The following GDI2 variants were observed in gnomAD, a reference collection of about 807,000 sequenced individuals.
GDI2 encodes the protein GDP dissociation inhibitor 2, also known as rab GDP dissociation inhibitor beta.
In GDI2, 22 loss-of-function variants were observed where a neutral mutation model predicts 54.2. The observed-to-expected ratio is 0.41, with a 90% CI of 0.29 to 0.58. GDI2 has a LOEUF of 0.58. Ranked by LOEUF, GDI2 falls within the 20% of genes least tolerant of loss-of-function variation. The pLI is 0.35. For missense variants in GDI2, 422 were observed against 546.0 expected, an observed-to-expected ratio of 0.77 and a Z score of 2.26; for synonymous variants, 177 against 182.1, an observed-to-expected ratio of 0.97 and a Z score of 0.23.
In GDI2 at chr10:5,765,261, T is replaced by A. The variant is rs1371780768; in HGVS notation, c.*745A>T. Reference sequence around the variant, plus strand: ...TTGGCTTTATTTTGCAGTACAGAAATCATTTGGAGCCATTTTGAGACAGAA... The same window carrying A: ...TTGGCTTTATTTTGCAGTACAGAAAACATTTGGAGCCATTTTGAGACAGAA... On this transcript the variant is annotated 3_prime_UTR_variant, in exon 11 of 11. Coordinates refer to ENST00000380191, the MANE Select transcript of GDI2 (RefSeq NM_001494.4). 6.6e-6 allele frequency: 1 copy of A among 152,668 alleles called. No homozygotes were observed. The highest frequency in any genetic ancestry group is 2.4e-5 in the African/African-American group (1 of 41,452). 9.5% of individuals were successfully genotyped at this position (152,668 alleles called of 1,614,324 possible).
chr10:5,771,454 A>G (rs1227638307), intron 7 of GDI2, among the ~76,000 whole-genome samples: 1 of 152,236 alleles, frequency 6.6e-6, no homozygotes, highest in Non-Finnish European at 1.5e-5. Context: ...AGCTATCATT[A>G]CTGTTAGCAT....
chr10:5,765,769 A>AG lies in GDI2; in HGVS notation c.*236_*237insC. ...CCCAATGTTTGTTTAACTTCACTAGAAAAAAAAAAAGCCAGTTTGGTTAAA... is the reference window on the plus strand; with the variant it reads ...CCCAATGTTTGTTTAACTTCACTAGAGAAAAAAAAAAGCCAGTTTGGTTAAA... On this transcript the variant is annotated 3_prime_UTR_variant, in exon 11 of 11. Transcript: ENST00000380191. 1 of 244,972 alleles carries AG rather than the reference A, an allele frequency of 4.1e-6. No individual in the cohort carries two copies. 15.2% of individuals were successfully genotyped at this position (244,972 alleles called of 1,614,324 possible).
intron 6 of GDI2, 48 bp downstream of exon 6, chr10:5,785,094 T>G (rs773322020): frequency 7.2e-7 from 1 of 1,386,442 alleles, no homozygotes; most frequent in Non-Finnish European, 9.9e-7. Context: ...ACACATTATG[T>G]TGAAGATGAG....
intron 4 of GDI2, among the ~76,000 whole-genome samples, chr10:5,787,326 G>T (rs186904333): frequency 1.6e-4 from 25 of 152,300 alleles, no homozygotes; most frequent in Admixed American, 1.2e-3. Context: ...CCAACATGGT[G>T]AAACCCCATC....
Position 5,776,490 on chromosome 10 carries a change from A to G in GDI2, c.720-2549T>C. The G allele has an allele frequency of 1.7e-6, 2 of 1,147,608 alleles. No homozygotes were observed. Among genetic ancestry groups the G allele is most frequent in the South Asian group, 1.2e-5 (1 of 80,902 alleles). 71.1% of individuals were successfully genotyped at this position (1,147,608 alleles called of 1,614,324 possible). A position where few individuals can be genotyped will look rare whatever the true frequency, so the allele number is the denominator to read the frequency against. ...GAGTGAGCCAGCAGAGCCATGTATTAGAAGCAAAGGCCCGAAAGATAAAAC... is the reference window on the plus strand; with the variant it reads ...GAGTGAGCCAGCAGAGCCATGTATTGGAAGCAAAGGCCCGAAAGATAAAAC... On this transcript the variant is annotated intron_variant, in intron 6 of 10. Transcript: ENST00000380191. This position sits in a 1 kb window ranked among gnomAD's most constrained non-coding sequence, Gnocchi z 5.3.
At chr10:5,807,260 A>T (rs1841396861) in intron 1 of GDI2, among the ~76,000 whole-genome samples, 1 of 152,232 alleles carries the variant, frequency 6.6e-6, no homozygotes, top group Admixed American at 6.5e-5. Flanking sequence ...TAAAATTTTA[A>T]TATTTTTCCA....
chr10:5,767,578 G>A (rs1457235445), intron 8 of GDI2, among the ~76,000 whole-genome samples: 1 of 151,950 alleles, frequency 6.6e-6, no homozygotes, highest in Non-Finnish European at 1.5e-5. Flanking sequence ...TCCTGCCTTG[G>A]CCTCCCATGA....
At position 5,782,802 on chromosome 10, in the gene GDI2, G is replaced by A. The variant is rs1341380909; in HGVS notation, c.719+2340C>T. Among the ~76,000 whole-genome samples the A allele has an allele frequency of 3.3e-5, 5 of 152,214 alleles. No homozygotes were observed. In the East Asian group the frequency reaches 5.8e-4, roughly 18 times the overall value. On this transcript the variant is annotated intron_variant, in intron 6 of 10. Coordinates refer to ENST00000380191, the MANE Select transcript of GDI2 (RefSeq NM_001494.4). ...TAAAAAATTAGCCGGATGTGGTGGT[G>A]CATGCCTGTAATCCCAGCTCCTTGG...
At chr10:5,782,961 T>A (rs934958348) in intron 6 of GDI2, among the ~76,000 whole-genome samples, 3 of 152,132 alleles carry the variant, frequency 2.0e-5, no homozygotes, top group Admixed American at 6.6e-5. Flanking sequence ...GACACATGCA[T>A]CAATATGGAT....
intron 7 of GDI2, among the ~76,000 whole-genome samples, chr10:5,770,110 G>A (rs1840451615): frequency 6.6e-6 from 1 of 152,192 alleles, no homozygotes; most frequent in South Asian, 2.1e-4. Context: ...CATGCTAAGT[G>A]AAATAAACTA....
chr10:5,809,186 G>A (rs1967487), intron 1 of GDI2, among the ~76,000 whole-genome samples: 79,815 of 149,400 alleles, frequency 0.53, 21,633 homozygotes, highest in Middle Eastern at 0.67. Context: ...CAGAGGTTGC[G>A]GTGAGCCGAG....
chr10:5,812,204 TAA>T (rs202220456), intron 1 of GDI2, among the ~76,000 whole-genome samples: 78 of 140,076 alleles, frequency 5.6e-4, no homozygotes, highest in East Asian at 8.1e-4. Context: ...GATGAACATT[TAA>T]AAAAAAAAAA....
chr10:5,797,344 A>G (rs1022596031), intron 2 of GDI2, among the ~76,000 whole-genome samples: 1 of 152,116 alleles, frequency 6.6e-6, no homozygotes, highest in Admixed American at 6.5e-5. Flanking sequence ...CAGGAGTACA[A>G]GAAAAGCCAG....
At chr10:5,786,320 G>A (rs749207127) in intron 4 of GDI2, among the ~76,000 whole-genome samples, 4 of 151,874 alleles carry the variant, frequency 2.6e-5, no homozygotes, top group Non-Finnish European at 5.9e-5. Context: ...ATAGGCAACC[G>A]CCATTACGCC....
In GDI2 at chr10:5,766,416, C is replaced by G; in HGVS notation, c.1136+78G>C. On this transcript the variant is annotated intron_variant, in intron 9 of 10. Transcript: ENST00000380191. This position sits in a 1 kb window ranked among gnomAD's most constrained non-coding sequence, Gnocchi z 5.8. The stretch of plus-strand genomic sequence containing the variant: ...GCAGCCAGCAGCTACCTGCCTTGCC[C>G]TCACATTCGTCCCACCATGGAGCCA... 4 of 1,553,904 alleles carry G rather than the reference C, an allele frequency of 2.6e-6. No individual in the cohort carries two copies. Among genetic ancestry groups the G allele is most frequent in the South Asian group, 1.1e-5 (1 of 89,712 alleles).
At chr10:5,794,190 TATATATATATATATATATATATATATATA>T (rs1841090523) in intron 4 of GDI2, among the ~76,000 whole-genome samples, 1 of 27,262 alleles carries the variant, frequency 3.7e-5, no homozygotes, top group South Asian at 2.5e-3. Flanking sequence ...AAAAAAAAAA[TATATATATATATATATATATATATATATA>T]TATATATATA....
chr10:5,775,738 T>A (rs1840603658), intron 6 of GDI2, among the ~76,000 whole-genome samples: 1 of 152,134 alleles, frequency 6.6e-6, no homozygotes, highest in Non-Finnish European at 1.5e-5. Context: ...AGAAAAAATG[T>A]GTCTGAAGTT....
rs1840314399 is a variant in GDI2 at position 5,765,944 on chromosome 10, A to G, written c.*62T>C. On this transcript the variant is annotated 3_prime_UTR_variant, in exon 11 of 11. Coordinates refer to ENST00000380191, the MANE Select transcript of GDI2 (RefSeq NM_001494.4). ...AAGCAGGCCTTACAATATTGATTTC[A>G]TTATATGCATTATTTGCCAAATTTT... The G allele has an allele frequency of 8.2e-6, 10 of 1,217,428 alleles. No homozygotes were observed. Among genetic ancestry groups the G allele is most frequent in the Non-Finnish European group, 1.2e-5 (10 of 865,682 alleles). 75.4% of individuals were successfully genotyped at this position (1,217,428 alleles called of 1,614,324 possible).
chr10:5,813,246 ACTC>A lies in GDI2; in HGVS notation c.10_12del (p.Glu4del). ...CCGGTGCCCAGCACGATCACGTCGT[ACTC>A]CTCATTCATGGCGGGGCAGGCGCGG... On this transcript the variant is annotated inframe_deletion, in exon 1 of 11. Transcript: ENST00000380191. The A allele has an allele frequency of 1.9e-6, 3 of 1,597,052 alleles. No individual in the cohort carries two copies. The highest frequency in any genetic ancestry group is 1.7e-6 in the Non-Finnish European group (2 of 1,173,900).
Sources: allele counts gnomAD v4.1 joint callset (sites outside exome capture counted in the v4.1 genomes callset), GRCh38; gene constraint gnomAD v4.1.1; non-coding constraint Gnocchi (gnomAD v3.1); transcripts MANE v1.5; gene names NCBI Gene and HGNC (gene_info 2026-07-23, HGNC 2026-07-21).